The following L3MBTL2 variants were observed in gnomAD, a reference collection of about 807,000 sequenced individuals.
L3MBTL2 encodes L3MBTL histone methyl-lysine binding protein 2.
Under a neutral mutation model 86.4 loss-of-function variants are expected in L3MBTL2, and 49 were observed. That is an observed-to-expected ratio of 0.57 (90% CI 0.45 to 0.72). The LOEUF (loss-of-function observed/expected upper bound fraction) is 0.72, where lower values mean the gene tolerates loss of function less well. Among genes scored for constraint, L3MBTL2 ranks in the 30% least tolerant of loss-of-function variants. L3MBTL2 has a pLI of 0.00. For missense variants in L3MBTL2, 755 were observed against 923.7 expected (o/e 0.82, Z 2.37); for synonymous variants, 336 against 350.6 (o/e 0.96, Z 0.47).
chr22:41,228,432 G>A (rs754850608), intron 15 of L3MBTL2: 6 of 985,320 alleles, frequency 6.1e-6, no homozygotes, highest in East Asian at 1.1e-4. Context: ...GGGGCAGAGC[G>A]GGAGCGGGCA....
chr22:41,210,907 A>G (rs1428210313), intron 2 of L3MBTL2, among the ~76,000 whole-genome samples: 1 of 152,252 alleles, frequency 6.6e-6, no homozygotes. Context: ...TTGAGAAGAT[A>G]GGAAACCTAA....
At chr22:41,216,870 G>T (rs2031414143) in intron 4 of L3MBTL2, among the ~76,000 whole-genome samples, 1 of 152,210 alleles carries the variant, frequency 6.6e-6, no homozygotes, top group South Asian at 2.1e-4. Flanking sequence ...AGAAGGGCGA[G>T]AAATTTCCCT....
chr22:41,206,756 GCCACTGCA>G (rs948086914), intron 1 of L3MBTL2, among the ~76,000 whole-genome samples: 1 of 151,510 alleles, frequency 6.6e-6, no homozygotes, highest in Non-Finnish European at 1.5e-5. Flanking sequence ...CCGAGATCGG[GCCACTGCA>G]CCACTGCACT....
chr22:41,223,737 A>G (rs761496567), intron 8 of L3MBTL2, among the ~76,000 whole-genome samples: 1 of 152,196 alleles, frequency 6.6e-6, no homozygotes, highest in Non-Finnish European at 1.5e-5. Context: ...TGTGATTTGC[A>G]TCAACTCATT....
Position 41,216,278 on chromosome 22 carries a change from G to T in L3MBTL2, c.520+16G>T, listed in dbSNP as rs747153740. On this transcript the variant is annotated intron_variant, in intron 4 of 16. Coordinates refer to ENST00000216237, the MANE Select transcript of L3MBTL2 (RefSeq NM_031488.5). Reference sequence around the variant, plus strand: ...GGACAAGACGGTAAGATAGCAGAGGGCCCTGCTTAGGAAGCTGCCGTGGCT... The same window carrying T: ...GGACAAGACGGTAAGATAGCAGAGGTCCCTGCTTAGGAAGCTGCCGTGGCT... 1.2e-6 allele frequency: 2 copies of T among 1,608,336 alleles called. No homozygotes were observed. Among genetic ancestry groups the T allele is most frequent in the Admixed American group, 1.7e-5 (1 of 59,768 alleles).
chr22:41,225,839 TCCA>T lies in L3MBTL2; in HGVS notation c.1404_1406del (p.Thr469del), dbSNP rs775893576. ...GATGATCTGTGTGGACGGGGGGCCC[TCCA>T]CAGATGGCTTGGACTGGTTCTGCTA... On this transcript the variant is annotated inframe_deletion, in exon 12 of 17. Transcript: ENST00000216237. The surrounding 1 kb of genome is among the most constrained non-coding windows in gnomAD (Gnocchi z 4.1). The T allele has an allele frequency of 1.2e-6, 2 of 1,614,002 alleles. No homozygotes were observed. The highest frequency in any genetic ancestry group is 1.7e-6 in the Non-Finnish European group (2 of 1,179,956).
At chr22:41,206,597 G>A (rs2030232124) in intron 1 of L3MBTL2, among the ~76,000 whole-genome samples, 1 of 152,050 alleles carries the variant, frequency 6.6e-6, no homozygotes, top group Non-Finnish European at 1.5e-5. Flanking sequence ...AGGAGATCGA[G>A]ACCATCCTGG....
intron 3 of L3MBTL2, among the ~76,000 whole-genome samples, chr22:41,215,204 T>G (rs2031247480): frequency 6.6e-6 from 1 of 152,154 alleles, no homozygotes; most frequent in South Asian, 2.1e-4. Flanking sequence ...GTGAGACAAT[T>G]ACCATTGTTT....
intron 15 of L3MBTL2, chr22:41,228,485 C>A: frequency 1.0e-6 from 1 of 985,450 alleles, no homozygotes; most frequent in Non-Finnish European, 1.2e-6. Context: ...GCGAGGTGGG[C>A]TCCACAGTGT....
At chr22:41,219,590 A>T (rs2031666051) in intron 6 of L3MBTL2, 54 bp downstream of exon 6, 2 of 1,160,202 alleles carry the variant, frequency 1.7e-6, no homozygotes, top group African/African-American at 3.0e-5. Flanking sequence ...TGACATCTCT[A>T]GATGGGTGAA....
At position 41,224,833 on chromosome 22, in the gene L3MBTL2, C is replaced by T; in HGVS notation, c.1251+32C>T. The T allele has an allele frequency of 6.3e-7, 1 of 1,592,622 alleles. No homozygotes were observed. Among genetic ancestry groups the T allele is most frequent in the Non-Finnish European group, 8.6e-7 (1 of 1,160,498 alleles). On this transcript the variant is annotated intron_variant, in intron 10 of 16. Coordinates refer to ENST00000216237, the MANE Select transcript of L3MBTL2 (RefSeq NM_031488.5). The surrounding 1 kb of genome is among the most constrained non-coding windows in gnomAD (Gnocchi z 4.9). ...TTCAGCTCTTGGGCGCTTTTCCCCT[C>T]AGCCATGGGTCCATTCCGGGCCTGA...
At chr22:41,222,164 A>G (rs1373312492) in intron 8 of L3MBTL2, among the ~76,000 whole-genome samples, 1 of 152,154 alleles carries the variant, frequency 6.6e-6, no homozygotes, top group African/African-American at 2.4e-5. Context: ...CGGCCTCCCA[A>G]AGTGCTGGGA....
intron 1 of L3MBTL2, among the ~76,000 whole-genome samples, chr22:41,207,539 T>G (rs2030333214): frequency 6.6e-6 from 1 of 151,956 alleles, no homozygotes; most frequent in African/African-American, 2.4e-5. Flanking sequence ...CCCTATGAAA[T>G]AGGTGGTACT....
In L3MBTL2 at chr22:41,227,555, T is replaced by C; in HGVS notation, c.1822+232T>C. 6.5e-7 allele frequency: 1 copy of C among 1,536,308 alleles called. No individual in the cohort carries two copies. The highest frequency in any genetic ancestry group is 8.8e-7 in the Non-Finnish European group (1 of 1,134,886). Reference sequence around the variant, plus strand: ...TCATCTTGCCCACTCTGTCATATGTTCGTGCCCTTGTGCACCCAGGTAAAC... The same window carrying C: ...TCATCTTGCCCACTCTGTCATATGTCCGTGCCCTTGTGCACCCAGGTAAAC... On this transcript the variant is annotated intron_variant, in intron 14 of 16. Transcript: ENST00000216237. The surrounding 1 kb of genome is among the most constrained non-coding windows in gnomAD (Gnocchi z 6.0).
chr22:41,206,363 T>G (rs1445824653), intron 1 of L3MBTL2, among the ~76,000 whole-genome samples: 1 of 152,136 alleles, frequency 6.6e-6, no homozygotes, highest in Non-Finnish European at 1.5e-5. Flanking sequence ...CTGGCTGGAA[T>G]GCAGTGGTTA....
intron 16 of L3MBTL2, 54 bp from the exon 17 acceptor site, chr22:41,230,085 A>AC: frequency 3.1e-5 from 8 of 262,190 alleles, no homozygotes; most frequent in Non-Finnish European, 4.8e-5. Context: ...CTCCGCCCCC[A>AC]CCCCTCCCAG....
chr22:41,210,066 A>C, intron 2 of L3MBTL2, 133 bp downstream of exon 2: 3 of 1,165,588 alleles, frequency 2.6e-6, no homozygotes, highest in Non-Finnish European at 2.3e-6. Flanking sequence ...AAGGGATCAG[A>C]TGTGTAAGGA....
At position 41,207,066 on chromosome 22, in the gene L3MBTL2, C is replaced by T. The variant is rs73885744; in HGVS notation, c.24+1680C>T. Among the ~76,000 whole-genome samples, 1,344 of 152,090 alleles carry T rather than the reference C, an allele frequency of 8.8e-3. 15 individuals carry two copies. Among genetic ancestry groups the T allele is most frequent in the African/African-American group, 0.031 (1,269 of 41,476 alleles). On this transcript the variant is annotated intron_variant, in intron 1 of 16. Transcript: ENST00000216237. ...ATGATGACAGCAGCAAGATAAAATA[C>T]GCACAAAATCACACAGTTAATAAAT...
chr22:41,209,743 G>T lies in L3MBTL2; in HGVS notation c.72G>T (p.Leu24Phe), dbSNP rs966294914. 1.2e-6 allele frequency: 2 copies of T among 1,614,188 alleles called. No homozygotes were observed. Among genetic ancestry groups the T allele is most frequent in the Non-Finnish European group, 8.5e-7 (1 of 1,180,032 alleles). Residue 24 changes from leucine (L) to phenylalanine (F), a missense_variant, in exon 2 of 17, where the codon TTG (leucine) becomes TTT (phenylalanine). By Grantham distance (22) the Leu-to-Phe change is conservative. This residue lies in a region of L3MBTL2 where 103 missense variants were observed against 105.2 expected (regional missense o/e 0.98). Transcript: ENST00000216237. ...EPMEEEEDDDLELFGGYDSFR... is the reference protein window; with the variant it reads ...EPMEEEEDDDFELFGGYDSFR... Reference sequence around the variant, plus strand: ...TGGAGGAAGAGGAAGATGACGACTTGGAGCTGTTTGGTGGCTATGATAGTT... The same window carrying T: ...TGGAGGAAGAGGAAGATGACGACTTTGAGCTGTTTGGTGGCTATGATAGTT...
Sources: gnomAD v4.1 joint callset for allele counts (sites outside exome capture counted in the v4.1 genomes callset) on GRCh38, gnomAD v4.1.1 for gene constraint, gnomAD v4.1.1 regional missense constraint, Gnocchi (gnomAD v3.1) non-coding constraint, MANE v1.5 for transcripts, NCBI Gene and HGNC (gene_info 2026-07-23, HGNC 2026-07-21) for gene names.